Variants in MARCHF11 observed in about 807,000 individuals in gnomAD.
MARCHF11 encodes E3 ubiquitin-protein ligase MARCHF11.
Under a neutral mutation model 37.3 loss-of-function variants are expected in MARCHF11, and 29 were observed. The ratio of observed to expected loss-of-function variants is 0.78; its 90% CI spans 0.58 to 1.06. The LOEUF is 1.06. MARCHF11 is among the 50% of genes least tolerant of loss of function. MARCHF11 has a pLI of 0.00. For missense variants in MARCHF11, 482 were observed against 533.4 expected, an observed-to-expected ratio of 0.90 and a Z score of 0.95; for synonymous variants, 233 against 228.0, an observed-to-expected ratio of 1.02 and a Z score of -0.20.
At chr5:16,159,348 C>T (rs1173449145) in intron 2 of MARCHF11, among the ~76,000 whole-genome samples, 1 of 151,922 alleles carries the variant, frequency 6.6e-6, no homozygotes, top group African/African-American at 2.4e-5. Context: ...CATAGCATTC[C>T]TTCTACCTTT....
rs146062277 is a variant in MARCHF11, at chr5:16,153,015, C to T, written c.693+24711G>A. Among the ~76,000 whole-genome samples, 9 of 152,068 alleles carry T rather than the reference C, an allele frequency of 5.9e-5. No individual in the cohort carries two copies. In the East Asian group the frequency reaches 1.7e-3, roughly 30 times the overall value. On this transcript the variant is annotated intron_variant, in intron 2 of 3. Coordinates refer to ENST00000332432, the MANE Select transcript of MARCHF11 (RefSeq NM_001102562.3). ...GTCCAATGTTCCATGTATAGCAAGGCACTGCAGAGGATGGAAACAGATGTC... is the reference window on the plus strand; with the variant it reads ...GTCCAATGTTCCATGTATAGCAAGGTACTGCAGAGGATGGAAACAGATGTC...
chr5:16,134,990 T>TCG, intron 2 of MARCHF11, among the ~76,000 whole-genome samples: 1 of 131,252 alleles, frequency 7.6e-6, no homozygotes, highest in South Asian at 3.0e-4. Flanking sequence ...TCTCTCTCTC[T>TCG]CTCTCTCTCA....
At chr5:16,169,836 C>T (rs1357370188) in intron 2 of MARCHF11, among the ~76,000 whole-genome samples, 1 of 152,040 alleles carries the variant, frequency 6.6e-6, no homozygotes, top group Non-Finnish European at 1.5e-5. Context: ...TCTGAAGGGT[C>T]GGAAGTACTC....
chr5:16,166,510 A>G (rs1458416347), intron 2 of MARCHF11, among the ~76,000 whole-genome samples: 1 of 151,964 alleles, frequency 6.6e-6, no homozygotes, highest in African/African-American at 2.4e-5. Context: ...CTGAGTTTAT[A>G]TAAACTATAT....
At chr5:16,107,606 C>T (rs1315754477) in intron 2 of MARCHF11, among the ~76,000 whole-genome samples, 1 of 152,062 alleles carries the variant, frequency 6.6e-6, no homozygotes, top group African/African-American at 2.4e-5. Context: ...AGCAAAGGCC[C>T]AGCTTAAAGC....
intron 2 of MARCHF11, among the ~76,000 whole-genome samples, chr5:16,092,097 T>C (rs931235286): frequency 1.3e-5 from 2 of 152,214 alleles, no homozygotes; most frequent in South Asian, 2.1e-4. Context: ...CGGATCAGTC[T>C]GAAATTTCGT....
intron 2 of MARCHF11, among the ~76,000 whole-genome samples, chr5:16,135,236 A>C (rs1345273609): frequency 6.6e-6 from 1 of 152,178 alleles, no homozygotes; most frequent in Non-Finnish European, 1.5e-5. Flanking sequence ...GAGATTCAAA[A>C]GGGGCCCCTG....
At chr5:16,103,789 A>G (rs1394259189) in intron 2 of MARCHF11, among the ~76,000 whole-genome samples, 2 of 152,252 alleles carry the variant, frequency 1.3e-5, no homozygotes, top group African/African-American at 4.8e-5. Flanking sequence ...CCGCATAAGA[A>G]TTACTGAAAC....
At chr5:16,102,956 ATCTTG>A (rs1579382714) in intron 2 of MARCHF11, among the ~76,000 whole-genome samples, 1 of 152,176 alleles carries the variant, frequency 6.6e-6, no homozygotes, top group South Asian at 2.1e-4. Flanking sequence ...CAAGGGAACT[ATCTTG>A]TCTTAACACC....
chr5:16,108,360 C>T (rs555159799), intron 2 of MARCHF11, among the ~76,000 whole-genome samples: 58 of 152,312 alleles, frequency 3.8e-4, no homozygotes, highest in African/African-American at 1.4e-3. Flanking sequence ...ACACCCCTGT[C>T]GCATGTCCTG....
At chr5:16,104,412 A>G (rs1394530337) in intron 2 of MARCHF11, among the ~76,000 whole-genome samples, 1 of 152,190 alleles carries the variant, frequency 6.6e-6, no homozygotes, top group Non-Finnish European at 1.5e-5. Flanking sequence ...GAACAAGTCT[A>G]TAAATTTACT....
Position 16,107,333 on chromosome 5 carries a change from G to GTT in MARCHF11, c.694-16254_694-16253dup, listed in dbSNP as rs112606913. 5.7e-3 allele frequency among the ~76,000 whole-genome samples: 824 copies of GTT among 145,538 alleles called. 6 individuals carry two copies. The highest frequency in any genetic ancestry group is 0.015 in the African/African-American group (611 of 40,510). ...AGGAGGGCTTGATGGAAGCACTATT[G>GTT]TTTTTTTTTTTGAAAATCAGATTAC... On this transcript the variant is annotated intron_variant, in intron 2 of 3. Transcript: ENST00000332432.
chr5:16,076,264 A>G (rs1322106626), intron 3 of MARCHF11, among the ~76,000 whole-genome samples: 1 of 152,168 alleles, frequency 6.6e-6, no homozygotes, highest in Non-Finnish European at 1.5e-5. Context: ...AAGGTTATAT[A>G]TTACAAAAAA....
chr5:16,078,112 A>G (rs988974925), intron 3 of MARCHF11, among the ~76,000 whole-genome samples: 1 of 152,234 alleles, frequency 6.6e-6, no homozygotes, highest in African/African-American at 2.4e-5. Context: ...GCATATAAAG[A>G]GGGGTTTTTA....
intron 2 of MARCHF11, among the ~76,000 whole-genome samples, chr5:16,137,232 T>C (rs934682640): frequency 6.6e-6 from 1 of 152,106 alleles, no homozygotes; most frequent in African/African-American, 2.4e-5. Context: ...GCTCCCATCA[T>C]CCCCATGTGT....
At chr5:16,139,059 G>C (rs1737659371) in intron 2 of MARCHF11, among the ~76,000 whole-genome samples, 1 of 152,162 alleles carries the variant, frequency 6.6e-6, no homozygotes, top group South Asian at 2.1e-4. Flanking sequence ...CTGTTGGGAA[G>C]GAATGAATGG....
chr5:16,078,929 C>A (rs796476739), intron 3 of MARCHF11, among the ~76,000 whole-genome samples: 36 of 152,194 alleles, frequency 2.4e-4, no homozygotes, highest in African/African-American at 8.4e-4. Context: ...ATTCCTACAG[C>A]CTCTCTTCTG....
chr5:16,068,813 T>G (rs1736391146), intron 3 of MARCHF11, among the ~76,000 whole-genome samples: 1 of 152,216 alleles, frequency 6.6e-6, no homozygotes, highest in African/African-American at 2.4e-5. Flanking sequence ...GAAGAGCTCT[T>G]CTCTTTGAGG....
chr5:16,157,585 G>A (rs1004646361), intron 2 of MARCHF11, among the ~76,000 whole-genome samples: 3 of 151,942 alleles, frequency 2.0e-5, no homozygotes, highest in African/African-American at 7.2e-5. Context: ...ACACAATAGG[G>A]AAAGGACGGT....
Sources: gnomAD v4.1 joint callset for allele counts (sites outside exome capture counted in the v4.1 genomes callset) on GRCh38, gnomAD v4.1.1 for gene constraint, MANE v1.5 for transcripts, NCBI Gene and HGNC (gene_info 2026-07-23, HGNC 2026-07-21) for gene names.